SLC30A8: variants seen among roughly 807,000 people sequenced by gnomAD.
SLC30A8 encodes the protein proton-coupled zinc antiporter SLC30A8.
In SLC30A8, 27 loss-of-function variants were observed where a neutral mutation model predicts 36.9. The ratio of observed to expected loss-of-function variants is 0.73; its 90% CI spans 0.54 to 1.01. The LOEUF (loss-of-function observed/expected upper bound fraction) is 1.01. Among genes scored for constraint, SLC30A8 ranks in the 50% least tolerant of loss-of-function variants. The pLI is 0.00. For missense variants in SLC30A8, 439 were observed against 452.0 expected (o/e 0.97, Z 0.26); for synonymous variants, 164 against 172.4 (o/e 0.95, Z 0.38).
intron 3 of SLC30A8, among the ~76,000 whole-genome samples, chr8:117,153,859 G>A (rs1643931264): frequency 6.6e-6 from 1 of 151,996 alleles, no homozygotes; most frequent in South Asian, 2.1e-4. Flanking sequence ...TGTGGTTCAC[G>A]TGTGCTTCCT....
chr8:117,088,530 G>A (rs149110484), intron 2 of SLC30A8, among the ~76,000 whole-genome samples: 109 of 152,132 alleles, frequency 7.2e-4, no homozygotes, highest in African/African-American at 2.5e-3. Context: ...AGTGAAAAAC[G>A]TGCACATCTC....
At chr8:117,148,392 C>G (rs751976300) in intron 2 of SLC30A8, among the ~76,000 whole-genome samples, 1 of 151,938 alleles carries the variant, frequency 6.6e-6, no homozygotes, top group Non-Finnish European at 1.5e-5. Context: ...TTATAAATAG[C>G]AGGGTCTGTT....
chr8:117,097,316 G>A (rs571893109), intron 2 of SLC30A8, among the ~76,000 whole-genome samples: 76 of 138,342 alleles, frequency 5.5e-4, no homozygotes, highest in African/African-American at 7.6e-4. Context: ...GGAGAATGGC[G>A]TTTACCGGGG....
At chr8:117,052,467 C>A (rs760871943) in intron 2 of SLC30A8, among the ~76,000 whole-genome samples, 12 of 152,222 alleles carry the variant, frequency 7.9e-5, no homozygotes, top group Non-Finnish European at 1.5e-4. Context: ...TGTATCAGCA[C>A]AATACATTTT....
intron 2 of SLC30A8, among the ~76,000 whole-genome samples, chr8:117,126,125 T>TA (rs554298597): frequency 9.3e-4 from 141 of 152,092 alleles, no homozygotes; most frequent in Non-Finnish European, 1.3e-3. Flanking sequence ...ATTATTTTTT[T>TA]ATGGCAAAAA....
At chr8:117,147,184 A>C (rs1224715690) in intron 2 of SLC30A8, 31 bp downstream of exon 2, 5 of 1,592,246 alleles carry the variant, frequency 3.1e-6, no homozygotes, top group Non-Finnish European at 4.3e-6. Context: ...TTTTCATTAA[A>C]CAACCAAACA....
intron 2 of SLC30A8, among the ~76,000 whole-genome samples, chr8:117,070,913 A>G (rs1056465697): frequency 1.3e-5 from 2 of 152,092 alleles, no homozygotes; most frequent in African/African-American, 4.8e-5. Flanking sequence ...TCCATTGTGT[A>G]TATATATCAC....
chr8:117,052,557 T>TA (rs755681973), intron 2 of SLC30A8, among the ~76,000 whole-genome samples: 31 of 152,248 alleles, frequency 2.0e-4, no homozygotes, highest in Non-Finnish European at 4.3e-4. Context: ...TGACCTTTTT[T>TA]ATCTTACTCA....
chr8:117,033,226 CA>C (rs1817111446), intron 1 of SLC30A8, among the ~76,000 whole-genome samples: 1 of 152,090 alleles, frequency 6.6e-6, no homozygotes, highest in South Asian at 2.1e-4. Context: ...TCAAAGTAGC[CA>C]AAAGGTGGAA....
intron 1 of SLC30A8, among the ~76,000 whole-genome samples, chr8:117,023,108 A>C (rs1412963363): frequency 6.6e-6 from 1 of 152,256 alleles, no homozygotes; most frequent in Non-Finnish European, 1.5e-5. Context: ...ATGCAGCCAA[A>C]AGACACATGA....
chr8:117,115,295 A>G (rs1286301718), intron 2 of SLC30A8, among the ~76,000 whole-genome samples: 4 of 152,006 alleles, frequency 2.6e-5, no homozygotes, highest in Non-Finnish European at 4.4e-5. Flanking sequence ...TCTAGTTGGT[A>G]TGTGATGTAA....
intron 1 of SLC30A8, among the ~76,000 whole-genome samples, chr8:116,970,509 A>G (rs1029374465): frequency 3.9e-5 from 6 of 152,228 alleles, no homozygotes; most frequent in East Asian, 1.9e-4. Context: ...CTATACTTTT[A>G]TACGACTGGC....
rs146347859 is a variant in SLC30A8, at chr8:116,970,242, C to A, written c.-266+19123C>A. Among the ~76,000 whole-genome samples the A allele has an allele frequency of 7.3e-3, 1,113 of 152,258 alleles. 10 individuals carry two copies. Among genetic ancestry groups the A allele is most frequent in the African/African-American group, 0.025 (1,055 of 41,558 alleles). On this transcript the variant is annotated intron_variant, in intron 1 of 10. Transcript: ENST00000427715. ...ATCATCAATATCATTGTCTTCCACT[C>A]CCACATCTTGTCCCACTGGAAGGAC...
At chr8:117,072,822 C>A (rs1184774433) in intron 2 of SLC30A8, among the ~76,000 whole-genome samples, 1 of 149,852 alleles carries the variant, frequency 6.7e-6, no homozygotes, top group African/African-American at 2.5e-5. Flanking sequence ...CTGCTCAAAC[C>A]CCCAAATCCT....
chr8:117,026,979 A>G (rs60595145), intron 1 of SLC30A8, among the ~76,000 whole-genome samples: 1,541 of 152,184 alleles, frequency 0.01, 23 homozygotes, highest in African/African-American at 0.034. Context: ...AGATTACCCT[A>G]ACACTTTGGT....
At chr8:116,976,462 A>G (rs1022838995) in intron 1 of SLC30A8, among the ~76,000 whole-genome samples, 7 of 152,164 alleles carry the variant, frequency 4.6e-5, no homozygotes, top group South Asian at 2.1e-4. Flanking sequence ...ATTCCCCAAG[A>G]AACTAAAACC....
intron 2 of SLC30A8, among the ~76,000 whole-genome samples, chr8:117,039,998 A>T (rs747669384): frequency 1.3e-5 from 2 of 152,224 alleles, no homozygotes; most frequent in African/African-American, 4.8e-5. Flanking sequence ...GTCTGTGCTA[A>T]CATCTGAAAT....
At chr8:116,971,313 A>C (rs989676042) in intron 1 of SLC30A8, among the ~76,000 whole-genome samples, 4 of 151,760 alleles carry the variant, frequency 2.6e-5, no homozygotes, top group African/African-American at 7.3e-5. Context: ...GAAAAAAAAA[A>C]ACAAAAACAC....
intron 6 of SLC30A8, among the ~76,000 whole-genome samples, chr8:117,165,394 C>T (rs914586180): frequency 6.6e-5 from 10 of 152,172 alleles, no homozygotes; most frequent in African/African-American, 2.2e-4. Flanking sequence ...TTTATCTGCA[C>T]AGCAAGATAT....
Sources: allele counts gnomAD v4.1 joint callset (sites outside exome capture counted in the v4.1 genomes callset), GRCh38; gene constraint gnomAD v4.1.1; transcripts MANE v1.5; gene names NCBI Gene and HGNC (gene_info 2026-07-23, HGNC 2026-07-21).